Variants in RASSF3 observed in about 807,000 individuals in gnomAD.
RASSF3 encodes the protein Ras association domain family member 3.
Under a neutral mutation model 19.9 loss-of-function variants are expected in RASSF3, and 19 were observed. The ratio of observed to expected loss-of-function variants is 0.96; its 90% CI spans 0.67 to 1.40. The LOEUF (loss-of-function observed/expected upper bound fraction) is 1.40. Among genes scored for constraint, RASSF3 ranks in the 40% most tolerant of loss-of-function variants. The pLI is 0.00. For missense variants in RASSF3, 306 were observed against 289.8 expected, an observed-to-expected ratio of 1.06 and a Z score of -0.41; for synonymous variants, 110 against 104.2, an observed-to-expected ratio of 1.06 and a Z score of -0.34.
intron 2 of RASSF3, among the ~76,000 whole-genome samples, chr12:64,561,013 AG>A (rs1397639797): frequency 6.6e-6 from 1 of 152,244 alleles, no homozygotes; most frequent in African/African-American, 2.4e-5. Context: ...AGTCTGTATT[AG>A]TACAGAATGA....
intron 2 of RASSF3, among the ~76,000 whole-genome samples, chr12:64,564,780 GTTTTTTGT>G (rs754010994): frequency 3.2e-4 from 47 of 147,610 alleles, no homozygotes; most frequent in Non-Finnish European, 4.8e-4. Flanking sequence ...GGTGTTTTTT[GTTTTTTGT>G]TTTTTTTTTT....
intron 2 of RASSF3, chr12:64,599,268 A>G (rs1461457970): frequency 6.6e-6 from 1 of 152,146 alleles, no homozygotes; most frequent in Non-Finnish European, 1.5e-5. Context: ...TCAATGCCTC[A>G]TGGCAAAAAA....
At chr12:64,605,885 C>CT (rs1417701391), upstream of RASSF3, among the ~76,000 whole-genome samples, 1 of 87,414 alleles carries the variant, frequency 1.1e-5, no homozygotes, top group Non-Finnish European at 2.1e-5. Context: ...GAAACTCCGT[C>CT]TCAAAAAAAA....
rs1290187205 is a variant in RASSF3, at chr12:64,691,669, G to A, written c.567+90G>A. ...CCTAGTGACTTGGCTATTGATGGGG[G>A]ATGGGAAGAGAAGAGAGTTGGAGGG... is the stretch of plus-strand genomic sequence containing the variant. On this transcript the variant is annotated intron_variant, in intron 4 of 4. Transcript: ENST00000542104. 3 of 913,218 alleles carry A rather than the reference G, an allele frequency of 3.3e-6. No individual in the cohort carries two copies. In the South Asian group the frequency reaches 4.2e-5, roughly 13 times the overall value. 56.6% of individuals were successfully genotyped at this position (913,218 alleles called of 1,614,324 possible).
At chr12:64,615,343 T>G (rs868829795) in intron 1 of RASSF3, among the ~76,000 whole-genome samples, 1 of 152,204 alleles carries the variant, frequency 6.6e-6, no homozygotes. Context: ...ACAGTATTTT[T>G]GCTTTAGAAG....
At chr12:64,685,308 C>T (rs905934645) in intron 2 of RASSF3, among the ~76,000 whole-genome samples, 28 of 152,106 alleles carry the variant, frequency 1.8e-4, no homozygotes, top group Admixed American at 1.4e-3. Flanking sequence ...AGCAGTGGCA[C>T]GATCACCGCT....
intron 1 of RASSF3, among the ~76,000 whole-genome samples, chr12:64,615,955 G>A (rs1326042158): frequency 1.3e-5 from 2 of 152,158 alleles, no homozygotes; most frequent in Non-Finnish European, 2.9e-5. Context: ...GATTACAGGT[G>A]TGAGCCACCA....
At position 64,640,195 on chromosome 12, in the gene RASSF3, T is replaced by C. The variant is rs562056987; in HGVS notation, c.111+29452T>C. ...TTGATATACCAGAAACCTGTACATA[T>C]TTAATATATACAGTTTGATGAGTTT... On this transcript the variant is annotated intron_variant, in intron 1 of 4. Coordinates refer to ENST00000542104, the MANE Select transcript of RASSF3 (RefSeq NM_178169.4). 2.6e-5 allele frequency among the ~76,000 whole-genome samples: 4 copies of C among 152,318 alleles called. No individual in the cohort carries two copies. In the East Asian group the frequency reaches 5.8e-4, roughly 22 times the overall value.
chr12:64,634,928 A>C (rs778690315), intron 1 of RASSF3, among the ~76,000 whole-genome samples: 1 of 150,558 alleles, frequency 6.6e-6, no homozygotes, highest in Non-Finnish European at 1.5e-5. Context: ...AATTTTTCAA[A>C]TCCATGCATA....
intron 1 of RASSF3, among the ~76,000 whole-genome samples, chr12:64,515,213 C>T (rs570634818): frequency 1.3e-5 from 2 of 152,128 alleles, no homozygotes; most frequent in East Asian, 1.9e-4. Context: ...TCCACCACCA[C>T]ACCCAGCTAA....
chr12:64,629,767 C>G (rs1001669823), intron 1 of RASSF3: 9 of 151,678 alleles, frequency 5.9e-5, no homozygotes, highest in Admixed American at 5.3e-4. Context: ...GAGTTTGAGA[C>G]CAGCCTGGCC....
chr12:64,646,785 A>G (rs1263583745), intron 1 of RASSF3, among the ~76,000 whole-genome samples: 1 of 151,454 alleles, frequency 6.6e-6, no homozygotes. Context: ...TGAAAGACCC[A>G]GGAATAATAT....
At chr12:64,589,730 T>TGGTA (rs962877546) in intron 2 of RASSF3, among the ~76,000 whole-genome samples, 10 of 151,738 alleles carry the variant, frequency 6.6e-5, no homozygotes, top group African/African-American at 2.4e-4. Flanking sequence ...TGGCTGGGTG[T>TGGTA]GGTAGCTCAT....
chr12:64,661,024 C>T (rs1002450629), intron 1 of RASSF3, among the ~76,000 whole-genome samples: 4 of 152,164 alleles, frequency 2.6e-5, no homozygotes, highest in African/African-American at 9.7e-5. Flanking sequence ...GGGTTTGTTT[C>T]CAAGTTGAGG....
rs984162389 is a variant in RASSF3 at position 64,661,483 on chromosome 12, TA to T, written c.112-23296del. On this transcript the variant is annotated intron_variant, in intron 1 of 4. Transcript: ENST00000542104. ...GGGCGACAAAGTGAGACCCTGTCTC[TA>T]AAAAAAAGGGGCGCAGGGGGTTCTT... 4.0e-5 allele frequency among the ~76,000 whole-genome samples: 6 copies of T among 151,324 alleles called. No homozygotes were observed. In the East Asian group the frequency reaches 5.8e-4, roughly 15 times the overall value.
intron 1 of RASSF3, among the ~76,000 whole-genome samples, chr12:64,620,904 T>C (rs907165412): frequency 6.6e-6 from 1 of 152,170 alleles, no homozygotes; most frequent in East Asian, 1.9e-4. Flanking sequence ...GGCACCTTAT[T>C]GCTATTTAAT....
At chr12:64,625,125 G>A (rs145040447) in intron 1 of RASSF3, among the ~76,000 whole-genome samples, 167 of 152,222 alleles carry the variant, frequency 1.1e-3, no homozygotes, top group Non-Finnish European at 1.8e-3. Flanking sequence ...TGGAAATTAG[G>A]TCTGTCTCAT....
upstream of RASSF3, among the ~76,000 whole-genome samples, chr12:64,532,660 CA>C (rs879604615): frequency 2.8e-3 from 391 of 140,622 alleles, no homozygotes; most frequent in Middle Eastern, 0.011. Flanking sequence ...CGATTTCTAC[CA>C]AAAAAAAAAA....
intron 1 of RASSF3, among the ~76,000 whole-genome samples, chr12:64,520,555 C>CACAT (rs1435123674): frequency 0.017 from 1,421 of 85,810 alleles, 18 homozygotes; most frequent in Admixed American, 0.053. Flanking sequence ...CACATACACA[C>CACAT]ATATATATAT....
Sources: gnomAD v4.1 joint callset for allele counts (sites outside exome capture counted in the v4.1 genomes callset) on GRCh38, gnomAD v4.1.1 for gene constraint, MANE v1.5 for transcripts, NCBI Gene and HGNC (gene_info 2026-07-23, HGNC 2026-07-21) for gene names.